The following TP53RK variants were observed in gnomAD, a reference collection of about 807,000 sequenced individuals.
TP53RK encodes TP53 regulating kinase.
In TP53RK, 17 loss-of-function variants were observed where a neutral mutation model predicts 14.9. The ratio of observed to expected loss-of-function variants is 1.14; its 90% confidence interval spans 0.78 to 1.71. TP53RK has a LOEUF of 1.71. TP53RK is among the 40% of genes most tolerant of loss of function. TP53RK has a pLI of 0.00. For synonymous variants in TP53RK, 131 were observed against 138.0 expected, an observed-to-expected ratio of 0.95 and a Z score of 0.36; for missense variants, 343 against 332.0, an observed-to-expected ratio of 1.03 and a Z score of -0.26.
Position 46,687,341 on chromosome 20 carries a change from T to C in TP53RK, c.284-110A>G, listed in dbSNP as rs534862872. 6.0e-5 allele frequency: 56 copies of C among 937,772 alleles called. 1 individual carries two copies. In the South Asian group the frequency reaches 8.6e-4, roughly 14 times the overall value. The allele number at this position is 937,772 out of a possible 1,614,324, so 58.1% of individuals were successfully genotyped here. On this transcript the variant is annotated intron_variant, in intron 1 of 1. Transcript: ENST00000372114. ...TCTATATCTACTTATTTCAGGACTA[T>C]TGAGGAATGCTACAGGAAATGGTAC...
Position 46,689,410 on chromosome 20 carries a change from G to T in TP53RK, c.5C>A (p.Ala2Glu), listed in dbSNP as rs757587369. The T allele has an allele frequency of 1.1e-5, 17 of 1,554,062 alleles. No homozygotes were observed. In the African/African-American group the frequency reaches 2.1e-4, roughly 19 times the overall value. ...GGCCGGCGTAGTAGCTCTGGCCGCC[G>T]CCATGACTGCTCGGCGCAACAGCTC... M[A>E]AARATTPADG... The change falls in exon 1 of 2, where the codon GCG (alanine) becomes GAG (glutamate). Residue 2 changes from alanine to glutamate, a missense_variant. Transcript: ENST00000372114.
chr20:46,687,527 C>T (rs1017705132), intron 1 of TP53RK, among the ~76,000 whole-genome samples: 4 of 152,128 alleles, frequency 2.6e-5, no homozygotes, highest in African/African-American at 4.8e-5. Context: ...AAAAAACAAA[C>T]AAAACAAAGG....
chr20:46,687,860 C>T (rs1162135237), intron 1 of TP53RK, among the ~76,000 whole-genome samples: 1 of 152,182 alleles, frequency 6.6e-6, no homozygotes, highest in Non-Finnish European at 1.5e-5. Flanking sequence ...GATGAGGACA[C>T]AAACAGGAGG....
Position 46,689,403 on chromosome 20 carries a change from G to A in TP53RK, c.12C>T (p.Ala4=), listed in dbSNP as rs2664523. The change falls in exon 1 of 2, where the codon GCC becomes GCT. Residue 4 remains alanine, a synonymous_variant. Transcript: ENST00000372114. The part of the protein sequence containing the change: MAA[A]RATTPADGEE... ...CGCCATCGGCCGGCGTAGTAGCTCT[G>A]GCCGCCGCCATGACTGCTCGGCGCA... is the stretch of plus-strand genomic sequence containing the variant. 0.093 allele frequency: 144,859 copies of A among 1,555,824 alleles called. 8,919 individuals carry two copies. The highest frequency in any genetic ancestry group is 0.29 in the East Asian group (12,249 of 42,468).
chr20:46,687,246 T>C lies in TP53RK; in HGVS notation c.284-15A>G. 6.4e-7 allele frequency: 1 copy of C among 1,556,662 alleles called. No homozygotes were observed. Among genetic ancestry groups the C allele is most frequent in the African/African-American group, 1.4e-5 (1 of 72,570 alleles). The stretch of plus-strand genomic sequence containing the variant: ...GGCAGATATTCCTGAAATCAAGACA[T>C]AAGTGGTTATTGGGTTGGATTTTTT... On this transcript the variant is annotated splice_polypyrimidine_tract_variant and intron_variant, in intron 1 of 1. Transcript: ENST00000372114.
In TP53RK at chr20:46,687,116, T is replaced by A; in HGVS notation, c.399A>T (p.Glu133Asp). 6.2e-7 allele frequency: 1 copy of A among 1,614,158 alleles called. No homozygotes were observed. The highest frequency in any genetic ancestry group is 1.3e-5 in the African/African-American group (1 of 75,018). Residue 133 changes from glutamate to aspartate, a missense_variant, in exon 2 of 2, where the codon GAA (glutamate) becomes GAT (aspartate). Glu to Asp is a conservative substitution (Grantham distance 45). Coordinates refer to ENST00000372114, the MANE Select transcript of TP53RK (RefSeq NM_033550.4). ...RDYIQSTMET[E>D]KTPQGLSNLA... The stretch of plus-strand genomic sequence containing the variant: ...AGTTGGAGAGACCCTGGGGAGTTTT[T>A]TCAGTCTCCATAGTGGACTGAATAT...
Position 46,685,876 on chromosome 20 carries a change from T to C in TP53RK, c.*877A>G, listed in dbSNP as rs1329160507. ...CTGGGCAAGGTTAAAAGCTAGCTCC[T>C]GGTACTTTTGCATCCACACTCAGTT... On this transcript the variant is annotated 3_prime_UTR_variant, in exon 2 of 2. Coordinates refer to ENST00000372114, the MANE Select transcript of TP53RK (RefSeq NM_033550.4). The C allele has an allele frequency of 3.3e-5, 5 of 152,262 alleles. No homozygotes were observed. 9.4% of individuals were successfully genotyped at this position (152,262 alleles called of 1,614,324 possible). A position where few individuals can be genotyped will look rare whatever the true frequency, so the allele number is the denominator to read the frequency against.
chr20:46,687,836 G>T (rs1473554886), intron 1 of TP53RK, among the ~76,000 whole-genome samples: 1 of 152,196 alleles, frequency 6.6e-6, no homozygotes, highest in Non-Finnish European at 1.5e-5. Flanking sequence ...AGCCCAGTCA[G>T]AGCAGTTTCT....
intron 1 of TP53RK, among the ~76,000 whole-genome samples, chr20:46,688,679 G>A (rs955689871): frequency 6.6e-6 from 1 of 152,238 alleles, no homozygotes; most frequent in African/African-American, 2.4e-5. Context: ...AGGCTGAGAG[G>A]CTAAATAACT....
rs1170387437 is a variant in TP53RK at position 46,689,395 on chromosome 20, G to C, written c.20C>G (p.Thr7Ser). 17 of 1,564,064 alleles carry C rather than the reference G, an allele frequency of 1.1e-5. No individual in the cohort carries two copies. The highest frequency in any genetic ancestry group is 1.3e-5 in the Non-Finnish European group (15 of 1,166,032). Reference sequence around the variant, plus strand: ...GGGCTCCTCGCCATCGGCCGGCGTAGTAGCTCTGGCCGCCGCCATGACTGC... The same window carrying C: ...GGGCTCCTCGCCATCGGCCGGCGTACTAGCTCTGGCCGCCGCCATGACTGC... MAAARATTPADGEEPAP... is the reference protein window; with the variant it reads MAAARASTPADGEEPAP... The change falls in exon 1 of 2, where the codon ACT becomes AGT. Residue 7 changes from threonine to serine, a missense_variant. Physicochemically the swap from Thr to Ser is moderately conservative, Grantham distance 58. Coordinates refer to ENST00000372114, the MANE Select transcript of TP53RK (RefSeq NM_033550.4).
At chr20:46,688,868 T>C (rs979581521) in intron 1 of TP53RK, among the ~76,000 whole-genome samples, 8 of 152,164 alleles carry the variant, frequency 5.3e-5, no homozygotes, top group Non-Finnish European at 7.4e-5. Flanking sequence ...ATGTTCAACA[T>C]TGAGCAATAA....
At chr20:46,688,227 C>T (rs2063189691) in intron 1 of TP53RK, among the ~76,000 whole-genome samples, 1 of 152,198 alleles carries the variant, frequency 6.6e-6, no homozygotes, top group Non-Finnish European at 1.5e-5. Flanking sequence ...TCTGAAAGGG[C>T]AGCAATGTGT....
chr20:46,687,093 T>G lies in TP53RK; in HGVS notation c.422A>C (p.Asn141Thr). The G allele has an allele frequency of 6.2e-7, 1 of 1,614,188 alleles. No individual in the cohort carries two copies. Among genetic ancestry groups the G allele is most frequent in the Non-Finnish European group, 8.5e-7 (1 of 1,180,040 alleles). ...ETEKTPQGLS[N>T]LAKTIGQVLA... ...AACCTGCCCAATTGTCTTGGCTAAG[T>G]TGGAGAGACCCTGGGGAGTTTTTTC... The change falls in exon 2 of 2, where the codon AAC becomes ACC. Residue 141 changes from asparagine to threonine, a missense_variant. Physicochemically the swap from Asn to Thr is moderately conservative, Grantham distance 65 (BLOSUM62 0). Transcript: ENST00000372114.
Position 46,687,001 on chromosome 20 carries a change from G to T in TP53RK, c.514C>A (p.Pro172Thr). 1.5e-5 allele frequency: 24 copies of T among 1,614,202 alleles called. No homozygotes were observed. The highest frequency in any genetic ancestry group is 2.2e-5 in the South Asian group (2 of 91,080). The change falls in exon 2 of 2, where the codon CCC becomes ACC. Residue 172 changes from proline (P) to threonine (T), a missense_variant. Coordinates refer to ENST00000372114, the MANE Select transcript of TP53RK (RefSeq NM_033550.4). ...ACAATGTTCAGCTGTTCCAGGGGGG[G>T]TTTCAGGAGCATGTTGGAGGTGGTG... The part of the protein sequence containing the change: ...DLTTSNMLLK[P>T]PLEQLNIVLI...
rs770463173 is a variant in TP53RK, at chr20:46,687,244, C to A, written c.284-13G>T. The A allele has an allele frequency of 1.3e-6, 2 of 1,557,434 alleles. No homozygotes were observed. The highest frequency in any genetic ancestry group is 1.7e-6 in the Non-Finnish European group (2 of 1,153,846). ...GGGGCAGATATTCCTGAAATCAAGA[C>A]ATAAGTGGTTATTGGGTTGGATTTT... is the stretch of plus-strand genomic sequence containing the variant. On this transcript the variant is annotated splice_polypyrimidine_tract_variant and intron_variant, in intron 1 of 1. Transcript: ENST00000372114.
chr20:46,688,430 G>C (rs1171545923), intron 1 of TP53RK, among the ~76,000 whole-genome samples: 1 of 152,258 alleles, frequency 6.6e-6, no homozygotes, highest in Admixed American at 6.5e-5. Context: ...GTAACCTTGG[G>C]CAAGTTACTT....
At chr20:46,687,843 T>A (rs2063187973) in intron 1 of TP53RK, among the ~76,000 whole-genome samples, 1 of 152,144 alleles carries the variant, frequency 6.6e-6, no homozygotes, top group African/African-American at 2.4e-5. Context: ...TCAGAGCAGT[T>A]TCTACTGATG....
rs2063183033 is a variant in TP53RK at position 46,686,975 on chromosome 20, C to T, written c.540G>A (p.Val180=). The part of the protein sequence containing the change: ...LKPPLEQLNI[V]LIDFGLSFIS... ...TGAAACTCAGCCCAAAGTCTATGAGCACAATGTTCAGCTGTTCCAGGGGGG... is the reference window on the plus strand; with the variant it reads ...TGAAACTCAGCCCAAAGTCTATGAGTACAATGTTCAGCTGTTCCAGGGGGG... Residue 180 remains valine (V), a synonymous_variant, in exon 2 of 2, where the codon GTG becomes GTA. Transcript: ENST00000372114. The T allele has an allele frequency of 6.2e-7, 1 of 1,614,050 alleles. No individual in the cohort carries two copies. Among genetic ancestry groups the T allele is most frequent in the Non-Finnish European group, 8.5e-7 (1 of 1,180,042 alleles).
At position 46,687,027 on chromosome 20, in the gene TP53RK, A is replaced by G. The variant is rs1445443270; in HGVS notation, c.488T>C (p.Leu163Pro). Residue 163 changes from leucine (L) to proline (P), a missense_variant, in exon 2 of 2, where the codon CTC (leucine) becomes CCC (proline). Transcript: ENST00000372114. Reference sequence around the variant, plus strand: ...TTTCAGGAGCATGTTGGAGGTGGTGAGATCACCATGAATGAGGTCTTCATC... The same window carrying G: ...TTTCAGGAGCATGTTGGAGGTGGTGGGATCACCATGAATGAGGTCTTCATC... ...MHDEDLIHGD[L>P]TTSNMLLKPP... The G allele has an allele frequency of 6.2e-7, 1 of 1,614,208 alleles. No individual in the cohort carries two copies. The highest frequency in any genetic ancestry group is 1.7e-5 in the Admixed American group (1 of 60,028).
Sources: allele counts gnomAD v4.1 joint callset (sites outside exome capture counted in the v4.1 genomes callset), GRCh38; gene constraint gnomAD v4.1.1; transcripts MANE v1.5; gene names NCBI Gene and HGNC (gene_info 2026-07-23, HGNC 2026-07-21).